Variants in TRPC4 observed in about 807,000 individuals in gnomAD.
TRPC4 encodes transient receptor potential cation channel subfamily C member 4, also known as short transient receptor potential channel 4.
A neutral mutation model predicts 99.4 loss-of-function variants in TRPC4; 49 were observed. The observed-to-expected ratio is 0.49, with a 90% CI of 0.39 to 0.63. The LOEUF (loss-of-function observed/expected upper bound fraction) is 0.63, where lower values mean the gene tolerates loss of function less well. Ranked by LOEUF, TRPC4 falls within the 20% of genes least tolerant of loss-of-function variation. The pLI, the probability that TRPC4 is intolerant of heterozygous loss-of-function variation, is 0.00. For synonymous variants in TRPC4, 454 were observed against 425.9 expected (o/e 1.07, Z -0.81); for missense variants, 898 against 1,152.9 (o/e 0.78, Z 3.20).
chr13:37,683,932 T>A (rs1953354854), intron 4 of TRPC4, among the ~76,000 whole-genome samples: 1 of 152,302 alleles, frequency 6.6e-6, no homozygotes, highest in Admixed American at 6.5e-5. Context: ...TTCAGAAAAT[T>A]TATGATAACC....
intron 3 of TRPC4, among the ~76,000 whole-genome samples, chr13:37,714,715 G>T (rs1336554497): frequency 6.6e-6 from 1 of 151,762 alleles, no homozygotes; most frequent in Non-Finnish European, 1.5e-5. Context: ...TGCTCCCTTT[G>T]TCTACTATTT....
At chr13:37,753,375 T>C (rs941686463) in intron 2 of TRPC4, among the ~76,000 whole-genome samples, 10 of 152,082 alleles carry the variant, frequency 6.6e-5, no homozygotes, top group Non-Finnish European at 1.2e-4. Flanking sequence ...AGGAGAATAA[T>C]GGAATAATTT....
rs943820059 is a variant in TRPC4 at position 37,663,290 on chromosome 13, T to C, written c.1688+126A>G. On this transcript the variant is annotated intron_variant, in intron 6 of 10. Transcript: ENST00000379705. Reference sequence around the variant, plus strand: ...TCAAAGCCATGTTAATTCTGTTTTCTGCATTAAGCACAATTTTAGTTCCCC... The same window carrying C: ...TCAAAGCCATGTTAATTCTGTTTTCCGCATTAAGCACAATTTTAGTTCCCC... The C allele has an allele frequency of 8.4e-6, 7 of 834,226 alleles. No individual in the cohort carries two copies. The African/African-American group carries it at 8.6e-5, about 10-fold the overall frequency. The allele number at this position is 834,226 out of a possible 1,614,324, so 51.7% of individuals were successfully genotyped here.
intron 3 of TRPC4, among the ~76,000 whole-genome samples, chr13:37,720,147 G>A (rs1010306211): frequency 2.0e-5 from 3 of 152,026 alleles, no homozygotes; most frequent in Non-Finnish European, 2.9e-5. Flanking sequence ...ATGCAACCAC[G>A]CCAAGATCTC....
At chr13:37,719,363 T>G (rs1208408858) in intron 3 of TRPC4, among the ~76,000 whole-genome samples, 1 of 151,208 alleles carries the variant, frequency 6.6e-6, no homozygotes, top group Admixed American at 6.6e-5. Flanking sequence ...AAGAAAAAAA[T>G]GAAGGTAAAA....
chr13:37,690,809 TGTC>T (rs1418488173), intron 4 of TRPC4, among the ~76,000 whole-genome samples: 2 of 104,106 alleles, frequency 1.9e-5, no homozygotes, highest in Non-Finnish European at 4.1e-5. Flanking sequence ...TCAAATAGGC[TGTC>T]TTTTTTTTTT....
intron 4 of TRPC4, among the ~76,000 whole-genome samples, chr13:37,686,296 G>A (rs757944601): frequency 5.9e-5 from 9 of 151,770 alleles, no homozygotes; most frequent in Non-Finnish European, 1.0e-4. Context: ...ATATACACAC[G>A]TGTGTATATG....
chr13:37,817,291 A>T (rs958810055), intron 1 of TRPC4, among the ~76,000 whole-genome samples: 1 of 152,114 alleles, frequency 6.6e-6, no homozygotes, highest in African/African-American at 2.4e-5. Context: ...AAAAGAATAA[A>T]ATATCTAGGA....
chr13:37,867,735 T>C (rs1959859953), intron 1 of TRPC4, among the ~76,000 whole-genome samples: 1 of 152,130 alleles, frequency 6.6e-6, no homozygotes, highest in African/African-American at 2.4e-5. Flanking sequence ...GACACAGCCA[T>C]CCAAATATTG....
At chr13:37,724,208 A>G (rs971816332) in intron 3 of TRPC4, among the ~76,000 whole-genome samples, 2 of 152,162 alleles carry the variant, frequency 1.3e-5, no homozygotes, top group African/African-American at 4.8e-5. Context: ...ACATAACATA[A>G]TCCCATTTAT....
intron 1 of TRPC4, among the ~76,000 whole-genome samples, chr13:37,799,242 A>G (rs1192657561): frequency 2.0e-5 from 3 of 152,048 alleles, no homozygotes; most frequent in Non-Finnish European, 4.4e-5. Flanking sequence ...CCTAAAGGGA[A>G]GTAATCTTTA....
rs534022102 is a variant in TRPC4 at position 37,663,120 on chromosome 13, G to A, written c.1688+296C>T. Among the ~76,000 whole-genome samples, 36 of 152,222 alleles carry A rather than the reference G, an allele frequency of 2.4e-4. 1 individual carries two copies. The South Asian group carries it at 5.6e-3, about 24-fold the overall frequency. The stretch of plus-strand genomic sequence containing the variant: ...TACTTGTAAGCTTTTGTAGTATATA[G>A]GCTACCTTTTTAAATTCTACATCAA... On this transcript the variant is annotated intron_variant, in intron 6 of 10. Coordinates refer to ENST00000379705, the MANE Select transcript of TRPC4 (RefSeq NM_016179.4).
At chr13:37,719,623 T>C (rs1338251104) in intron 3 of TRPC4, among the ~76,000 whole-genome samples, 1 of 152,158 alleles carries the variant, frequency 6.6e-6, no homozygotes, top group Non-Finnish European at 1.5e-5. Flanking sequence ...ATGTTTATAA[T>C]GTATGGAATG....
Position 37,746,361 on chromosome 13 carries a change from A to G in TRPC4, c.473T>C (p.Ile158Thr). 1 of 1,613,480 alleles carries G rather than the reference A, an allele frequency of 6.2e-7. No individual in the cohort carries two copies. Among genetic ancestry groups the G allele is most frequent in the Middle Eastern group, 1.7e-4 (1 of 6,054 alleles). Residue 158 changes from isoleucine to threonine, a missense_variant, in exon 3 of 11, where the codon ATA becomes ACA. Around this residue, in one of 3 missense-constraint regions of TRPC4, gnomAD observed 278 missense variants for 346.6 expected, o/e 0.80. Transcript: ENST00000379705. Reference protein sequence around the residue: ...LAAHTNNYEIIKLLVQKGVSV... With the variant: ...LAAHTNNYEITKLLVQKGVSV... ...GACTCCTTTCTGAACCAAGAGTTTT[A>G]TTATCTCATAATTATTTGTATGGGC...
intron 1 of TRPC4, among the ~76,000 whole-genome samples, chr13:37,837,012 CT>C (rs1370687637): frequency 6.6e-6 from 1 of 152,194 alleles, no homozygotes; most frequent in African/African-American, 2.4e-5. Flanking sequence ...CAACATAGAG[CT>C]CAGGCCATGG....
At position 37,746,329 on chromosome 13, in the gene TRPC4, G is replaced by A. The variant is rs770940386; in HGVS notation, c.505C>T (p.Pro169Ser). ...TTACAGCGGACCTCGTGGGGTCGAGGCACTGAGACTCCTTTCTGAACCAAG... is the reference window on the plus strand; with the variant it reads ...TTACAGCGGACCTCGTGGGGTCGAGACACTGAGACTCCTTTCTGAACCAAG... ...KLLVQKGVSV[P>S]RPHEVRCNCV... Residue 169 changes from proline to serine, a missense_variant, in exon 3 of 11, where the codon CCT becomes TCT. Around this residue, in one of 3 missense-constraint regions of TRPC4, gnomAD observed 278 missense variants for 346.6 expected, o/e 0.80. Transcript: ENST00000379705. 1.9e-6 allele frequency: 3 copies of A among 1,613,764 alleles called. No individual in the cohort carries two copies. In the South Asian group the frequency reaches 3.3e-5, roughly 18 times the overall value.
chr13:37,864,287 A>G (rs933967426), intron 1 of TRPC4, among the ~76,000 whole-genome samples: 3 of 151,618 alleles, frequency 2.0e-5, no homozygotes, highest in Non-Finnish European at 3.0e-5. Flanking sequence ...AATGGAACAA[A>G]AGCCCTCCTT....
chr13:37,823,371 C>T (rs1958080753), intron 1 of TRPC4, among the ~76,000 whole-genome samples: 1 of 150,042 alleles, frequency 6.7e-6, no homozygotes, highest in Admixed American at 6.7e-5. Context: ...AATGGTAATG[C>T]CTAGGTTTTC....
chr13:37,835,604 A>G (rs1958544070), intron 1 of TRPC4, among the ~76,000 whole-genome samples: 2 of 152,218 alleles, frequency 1.3e-5, no homozygotes, highest in Non-Finnish European at 2.9e-5. Context: ...GCAGACAGTG[A>G]CGTAGCAGAA....
Sources: gnomAD v4.1 joint callset for allele counts (sites outside exome capture counted in the v4.1 genomes callset) on GRCh38, gnomAD v4.1.1 for gene constraint, gnomAD v4.1.1 regional missense constraint, MANE v1.5 for transcripts, NCBI Gene and HGNC (gene_info 2026-07-23, HGNC 2026-07-21) for gene names.